The following SERPINA3 variants were observed in gnomAD, a reference collection of about 807,000 sequenced individuals.
SERPINA3 encodes alpha-1-antichymotrypsin.
In SERPINA3, 32 loss-of-function variants were observed where a neutral mutation model predicts 26.8. The observed-to-expected ratio is 1.20, with a 90% CI of 0.90 to 1.61. The LOEUF (loss-of-function observed/expected upper bound fraction) is 1.61, where lower values mean the gene tolerates loss of function less well. SERPINA3 is among the 40% of genes most tolerant of loss of function. SERPINA3 has a pLI of 0.00. For missense variants in SERPINA3, 632 were observed against 517.9 expected (o/e 1.22, Z -2.14); for synonymous variants, 252 against 206.4 (o/e 1.22, Z -1.89).
intron 3 of SERPINA3, among the ~76,000 whole-genome samples, chr14:94,620,357 C>T (rs1028120457): frequency 1.6e-4 from 25 of 152,142 alleles, no homozygotes; most frequent in African/African-American, 4.8e-4. Flanking sequence ...ATGAAGAGTG[C>T]GCTGGCATTG....
chr14:94,619,730 A>G, intron 3 of SERPINA3: 1 of 538,142 alleles, frequency 1.9e-6, no homozygotes, highest in Non-Finnish European at 3.3e-6. Flanking sequence ...GCACAGTCCC[A>G]AACACTCATG....
In SERPINA3 at chr14:94,614,285, G is replaced by A. The variant is rs148840369; in HGVS notation, c.-8-149G>A. Reference sequence around the variant, plus strand: ...AATGAAGCAGAGTGATGTGTGTCGGGTGCCCCAGAGAGCACCTACCTGAGG... The same window carrying A: ...AATGAAGCAGAGTGATGTGTGTCGGATGCCCCAGAGAGCACCTACCTGAGG... On this transcript the variant is annotated intron_variant, in intron 1 of 4. Coordinates refer to ENST00000393078, the MANE Select transcript of SERPINA3 (RefSeq NM_001085.5). The A allele has an allele frequency of 5.5e-3, 3,898 of 704,882 alleles. 27 individuals carry two copies. The highest frequency in any genetic ancestry group is 0.022 in the Middle Eastern group (57 of 2,546). 43.7% of individuals were successfully genotyped at this position (704,882 alleles called of 1,614,324 possible).
At chr14:94,620,628 C>T (rs1279037908) in intron 3 of SERPINA3, among the ~76,000 whole-genome samples, 1 of 152,180 alleles carries the variant, frequency 6.6e-6, no homozygotes, top group South Asian at 2.1e-4. Flanking sequence ...GTCAGTGACA[C>T]CCGCAGGAAC....
intron 3 of SERPINA3, among the ~76,000 whole-genome samples, chr14:94,621,772 C>T (rs1221824843): frequency 1.3e-5 from 2 of 152,174 alleles, no homozygotes; most frequent in African/African-American, 2.4e-5. Context: ...GCTCCTGGCC[C>T]ACCTCATCCC....
chr14:94,620,861 G>T (rs536205496), intron 3 of SERPINA3, among the ~76,000 whole-genome samples: 1 of 152,272 alleles, frequency 6.6e-6, no homozygotes, highest in East Asian at 1.9e-4. Flanking sequence ...GCTGTGTGGG[G>T]TAGAGAGGAA....
intron 2 of SERPINA3, among the ~76,000 whole-genome samples, chr14:94,617,306 G>A (rs1886039525): frequency 1.3e-5 from 2 of 152,174 alleles, no homozygotes; most frequent in Non-Finnish European, 2.9e-5. Flanking sequence ...GCAGGGACCA[G>A]AGAAGCTGAG....
rs1352062272 is a variant in SERPINA3, at chr14:94,619,241, G to C, written c.690G>C (p.Arg230Ser). 1.2e-6 allele frequency: 2 copies of C among 1,613,536 alleles called. No individual in the cohort carries two copies. The highest frequency in any genetic ancestry group is 3.3e-5 in the Admixed American group (2 of 60,006). The change falls in exon 3 of 5, where the codon AGG becomes AGC. Residue 230 changes from arginine to serine, a missense_variant. Arg to Ser is a moderately radical substitution (Grantham distance 110). Coordinates refer to ENST00000393078, the MANE Select transcript of SERPINA3 (RefSeq NM_001085.5). ...PFDPQDTHQS[R>S]FYLSKKKWVM... ...ACCCCCAAGATACTCATCAGTCAAGGTTCTACTTGAGCAAGAAAAAGTGGG... is the reference window on the plus strand; with the variant it reads ...ACCCCCAAGATACTCATCAGTCAAGCTTCTACTTGAGCAAGAAAAAGTGGG...
intron 3 of SERPINA3, among the ~76,000 whole-genome samples, chr14:94,621,063 G>C (rs1185939973): frequency 6.6e-6 from 1 of 152,176 alleles, no homozygotes; most frequent in Admixed American, 6.5e-5. Context: ...CTAAGGGCAA[G>C]GGAGCTGCTT....
Position 94,623,852 on chromosome 14 carries a change from T to C in SERPINA3, c.*38T>C, listed in dbSNP as rs1331075425. The C allele has an allele frequency of 6.3e-7, 1 of 1,581,412 alleles. No individual in the cohort carries two copies. Among genetic ancestry groups the C allele is most frequent in the South Asian group, 1.1e-5 (1 of 90,378 alleles). The stretch of plus-strand genomic sequence containing the variant: ...AGCAGTGGGGCTCTCAGTAAGGAAC[T>C]TGGAATGCAAGCTGGATGCCTGGGT... On this transcript the variant is annotated 3_prime_UTR_variant, in exon 5 of 5. Transcript: ENST00000393078.
Position 94,619,228 on chromosome 14 carries a change from C to G in SERPINA3, c.677C>G (p.Thr226Ser), listed in dbSNP as rs1886104997. 1.2e-6 allele frequency: 2 copies of G among 1,614,072 alleles called. No homozygotes were observed. Among genetic ancestry groups the G allele is most frequent in the African/African-American group, 2.7e-5 (2 of 74,934 alleles). The change falls in exon 3 of 5, where the codon ACT (threonine) becomes AGT (serine). Residue 226 changes from threonine (T) to serine (S), a missense_variant. Coordinates refer to ENST00000393078, the MANE Select transcript of SERPINA3 (RefSeq NM_001085.5). The part of the protein sequence containing the change: ...KWEMPFDPQD[T>S]HQSRFYLSKK... ...GAGATGCCCTTTGACCCCCAAGATA[C>G]TCATCAGTCAAGGTTCTACTTGAGC...
At position 94,612,391 on chromosome 14, in the gene SERPINA3, A is replaced by G; in HGVS notation, c.-65A>G. Reference sequence around the variant, plus strand: ...TAAGCCTCAGCATTCATGAAAATCCACTACTCCAGACAGACGGCTTTGGAA... The same window carrying G: ...TAAGCCTCAGCATTCATGAAAATCCGCTACTCCAGACAGACGGCTTTGGAA... On this transcript the variant is annotated 5_prime_UTR_variant, in exon 1 of 5. Coordinates refer to ENST00000393078, the MANE Select transcript of SERPINA3 (RefSeq NM_001085.5). 6 of 1,365,560 alleles carry G rather than the reference A, an allele frequency of 4.4e-6. No individual in the cohort carries two copies. Among genetic ancestry groups the G allele is most frequent in the Non-Finnish European group, 4.9e-6 (5 of 1,021,278 alleles). The allele number at this position is 1,365,560 out of a possible 1,614,324, so 84.6% of individuals were successfully genotyped here. A position where few individuals can be genotyped will look rare whatever the true frequency, so the allele number is the denominator to read the frequency against.
chr14:94,615,449 A>G (rs577012336), intron 2 of SERPINA3: 35 of 463,456 alleles, frequency 7.6e-5, no homozygotes, highest in African/African-American at 5.3e-4. Context: ...CTGCTAGACT[A>G]GGCCAGGAAG....
At chr14:94,615,173 T>G (rs934155697) in intron 2 of SERPINA3, 89 bp downstream of exon 2, 2 of 1,444,646 alleles carry the variant, frequency 1.4e-6, no homozygotes, top group African/African-American at 2.8e-5. Context: ...GGCAAACCAC[T>G]GTAGAGGAGA....
intron 2 of SERPINA3, among the ~76,000 whole-genome samples, chr14:94,616,864 T>C (rs561065448): frequency 2.6e-5 from 4 of 151,940 alleles, no homozygotes; most frequent in African/African-American, 7.3e-5. Flanking sequence ...TGTCAGAAGA[T>C]GTTAAGGAGG....
intron 3 of SERPINA3, among the ~76,000 whole-genome samples, chr14:94,620,390 C>T (rs58931717): frequency 0.013 from 1,937 of 152,226 alleles, 29 homozygotes; most frequent in African/African-American, 0.04. Context: ...AGCTCCACCA[C>T]GGTGCAGGAG....
intron 2 of SERPINA3, among the ~76,000 whole-genome samples, chr14:94,616,340 A>G (rs1284931053): frequency 6.6e-6 from 1 of 152,120 alleles, no homozygotes; most frequent in African/African-American, 2.4e-5. Flanking sequence ...GGAGACCTGC[A>G]GGGCCCCTCC....
chr14:94,621,279 A>G (rs1326805435), intron 3 of SERPINA3, among the ~76,000 whole-genome samples: 1 of 152,182 alleles, frequency 6.6e-6, no homozygotes, highest in African/African-American at 2.4e-5. Flanking sequence ...GGCTCAGCAG[A>G]TAATTTTGAG....
intron 3 of SERPINA3, chr14:94,619,905 A>G (rs1040077193): frequency 2.2e-5 from 5 of 228,214 alleles, no homozygotes; most frequent in Non-Finnish European, 4.3e-5. Context: ...TTGAGCACCT[A>G]CTATGTGTCA....
intron 1 of SERPINA3, chr14:94,614,206 GC>G (rs1885890376): frequency 1.8e-6 from 1 of 570,864 alleles, no homozygotes; most frequent in Non-Finnish European, 3.1e-6. Flanking sequence ...TCTGTGCCCG[GC>G]TTTTCCACTG....
Sources: gnomAD v4.1 joint callset for allele counts (sites outside exome capture counted in the v4.1 genomes callset) on GRCh38, gnomAD v4.1.1 for gene constraint, MANE v1.5 for transcripts, NCBI Gene and HGNC (gene_info 2026-07-23, HGNC 2026-07-21) for gene names.